The following LRRC63 variants were observed in gnomAD, a reference collection of about 807,000 sequenced individuals.
The protein encoded by LRRC63 is leucine rich repeat containing 63.
Under a neutral mutation model 49.5 loss-of-function variants are expected in LRRC63, and 40 were observed. The ratio of observed to expected loss-of-function variants is 0.81; its 90% CI spans 0.63 to 1.05. The LOEUF is 1.05. LRRC63 is among the 50% of genes least tolerant of loss of function. The pLI, the probability that LRRC63 is intolerant of heterozygous loss-of-function variation, is 0.00. For synonymous variants in LRRC63, 191 were observed against 221.1 expected (o/e 0.86, Z 1.21); for missense variants, 636 against 663.1 (o/e 0.96, Z 0.45).
intron 9 of LRRC63, among the ~76,000 whole-genome samples, chr13:46,274,158 A>T (rs1293878151): frequency 6.6e-6 from 1 of 152,146 alleles, no homozygotes; most frequent in Non-Finnish European, 1.5e-5. Flanking sequence ...ATCCAAAGTA[A>T]TAAGTATGGG....
intron 2 of LRRC63, among the ~76,000 whole-genome samples, chr13:46,226,406 C>T (rs2046577668): frequency 6.6e-6 from 1 of 152,050 alleles, no homozygotes. Flanking sequence ...AGTCTTGTAC[C>T]CCATGGAAAT....
intron 2 of LRRC63, among the ~76,000 whole-genome samples, chr13:46,217,999 C>G (rs1360476418): frequency 6.6e-6 from 1 of 152,134 alleles, no homozygotes; most frequent in Admixed American, 6.5e-5. Flanking sequence ...TTTGCATTTT[C>G]TGAGGAGTGT....
Position 46,213,132 on chromosome 13 carries a change from AT to A in LRRC63, c.85+14del. On this transcript the variant is annotated intron_variant, in intron 2 of 9. Coordinates refer to ENST00000595396, the Ensembl canonical transcript of LRRC63. Reference sequence around the variant, plus strand: ...AAAACCCATACAGGTATGTGTATTAATCAGATATGTGTATTAACATTTATGT... The same window carrying A: ...AAAACCCATACAGGTATGTGTATTAACAGATATGTGTATTAACATTTATGT... 6.8e-7 allele frequency: 1 copy of A among 1,464,852 alleles called. No individual in the cohort carries two copies. Among genetic ancestry groups the A allele is most frequent in the African/African-American group, 1.4e-5 (1 of 70,794 alleles). 90.7% of individuals were successfully genotyped at this position (1,464,852 alleles called of 1,614,324 possible). A position where few individuals can be genotyped will look rare whatever the true frequency, so the allele number is the denominator to read the frequency against.
chr13:46,237,475 G>C (rs2046935632), intron 5 of LRRC63, among the ~76,000 whole-genome samples: 1 of 152,086 alleles, frequency 6.6e-6, no homozygotes, highest in South Asian at 2.1e-4. Flanking sequence ...AGGTACATGT[G>C]GTGAAGGGGT....
chr13:46,226,669 G>A (rs192183869), intron 2 of LRRC63, among the ~76,000 whole-genome samples: 2 of 152,264 alleles, frequency 1.3e-5, no homozygotes, highest in Admixed American at 1.3e-4. Flanking sequence ...TCAGGGAAAT[G>A]CATAGAACTC....
intron 9 of LRRC63, among the ~76,000 whole-genome samples, chr13:46,267,425 A>G (rs533245217): frequency 3.9e-5 from 6 of 152,200 alleles, no homozygotes; most frequent in Non-Finnish European, 8.8e-5. Context: ...GCCTAATCTC[A>G]AGACCAGGGT....
intron 7 of LRRC63, among the ~76,000 whole-genome samples, chr13:46,253,914 C>G (rs1260483208): frequency 6.6e-6 from 1 of 152,104 alleles, no homozygotes; most frequent in Non-Finnish European, 1.5e-5. Flanking sequence ...ATTAACCTCA[C>G]AGGAGAGTTT....
exon 7 of LRRC63, chr13:46,250,363 T>C (rs1285616607): frequency 2.0e-6 from 3 of 1,508,026 alleles, no homozygotes; most frequent in South Asian, 2.4e-5. Flanking sequence ...AGATATTATG[T>C]CTTAAAAATT....
intron 5 of LRRC63, among the ~76,000 whole-genome samples, chr13:46,245,974 C>T (rs1165253840): frequency 6.6e-6 from 1 of 152,170 alleles, no homozygotes; most frequent in African/African-American, 2.4e-5. Flanking sequence ...AAATGGTAAT[C>T]TCCAGTGTTG....
intron 7 of LRRC63, among the ~76,000 whole-genome samples, chr13:46,253,804 G>A (rs1223352326): frequency 1.3e-5 from 2 of 152,142 alleles, no homozygotes; most frequent in Admixed American, 1.3e-4. Flanking sequence ...TGACAATGAA[G>A]GCTGAGGAGG....
chr13:46,238,174 A>G (rs763726806), intron 5 of LRRC63, among the ~76,000 whole-genome samples: 1 of 152,198 alleles, frequency 6.6e-6, no homozygotes, highest in Non-Finnish European at 1.5e-5. Context: ...GATTCCTACA[A>G]AAAGACTGAG....
At chr13:46,276,633 G>T in exon 10 of LRRC63, 1 of 1,231,196 alleles carries the variant, frequency 8.1e-7, no homozygotes, top group Non-Finnish European at 1.0e-6. Flanking sequence ...GTTTGGTGAA[G>T]GTTTTCGTGT....
intron 2 of LRRC63, among the ~76,000 whole-genome samples, chr13:46,223,330 T>G (rs1334496771): frequency 1.3e-5 from 2 of 152,142 alleles, no homozygotes; most frequent in Admixed American, 1.3e-4. Context: ...ATTTCAGGAT[T>G]CTGTATTCTG....
At chr13:46,247,939 G>T (rs930185282) in intron 6 of LRRC63, among the ~76,000 whole-genome samples, 4 of 151,950 alleles carry the variant, frequency 2.6e-5, no homozygotes, top group African/African-American at 9.7e-5. Context: ...ATAATGTATT[G>T]TTAGGTCTGT....
intron 4 of LRRC63, among the ~76,000 whole-genome samples, chr13:46,233,779 G>A (rs2046828788): frequency 6.6e-6 from 1 of 152,180 alleles, no homozygotes; most frequent in Non-Finnish European, 1.5e-5. Context: ...TAAGGAAAAA[G>A]TGAGGCTGAT....
intron 2 of LRRC63, among the ~76,000 whole-genome samples, chr13:46,222,356 T>C (rs1348044076): frequency 6.6e-6 from 1 of 152,138 alleles, no homozygotes; most frequent in Non-Finnish European, 1.5e-5. Context: ...TCCAGGAGAG[T>C]TTTACCTAGG....
intron 9 of LRRC63, among the ~76,000 whole-genome samples, chr13:46,267,971 A>G (rs1206300394): frequency 6.6e-6 from 1 of 152,222 alleles, no homozygotes; most frequent in Non-Finnish European, 1.5e-5. Context: ...AAAGTGTTTG[A>G]GAGAAACATC....
chr13:46,233,341 A>G (rs981850930), intron 4 of LRRC63, among the ~76,000 whole-genome samples: 17 of 152,268 alleles, frequency 1.1e-4, no homozygotes, highest in Non-Finnish European at 2.2e-4. Context: ...TACATTATAT[A>G]TCTTTCTTTA....
At chr13:46,262,025 C>G (rs886892870) in intron 8 of LRRC63, 33 bp downstream of exon 8, 17 of 629,792 alleles carry the variant, frequency 2.7e-5, no homozygotes, top group Non-Finnish European at 3.8e-5. Flanking sequence ...GTTATATGCC[C>G]CTTAATTATA....
Sources: gnomAD v4.1 joint callset for allele counts (sites outside exome capture counted in the v4.1 genomes callset) on GRCh38, gnomAD v4.1.1 for gene constraint, MANE v1.5 for transcripts, NCBI Gene and HGNC (gene_info 2026-07-23, HGNC 2026-07-21) for gene names.